TENM2: variants seen among roughly 807,000 people sequenced by gnomAD.
The protein encoded by TENM2 is teneurin transmembrane protein 2, also known as teneurin-2.
TENM2 carries 52 observed loss-of-function variants against 245.2 expected under a neutral mutation model. That is an observed-to-expected ratio of 0.21 (90% CI 0.17 to 0.27). TENM2 has a LOEUF of 0.27. TENM2 is among the 10% of genes least tolerant of loss of function. The pLI is 1.00. For missense variants in TENM2, 3,046 were observed against 3,666.8 expected (o/e 0.83, Z 4.37); for synonymous variants, 1,363 against 1,438.9 (o/e 0.95, Z 1.19).
At chr5:167,089,576 T>A in the TENM2 span, among the ~76,000 whole-genome samples, 1 of 152,066 alleles carries the variant, frequency 6.6e-6, no homozygotes, top group African/African-American at 2.4e-5. Flanking sequence ...AAAACTGGAT[T>A]TTTTTTTCTT....
intron 2 of TENM2, among the ~76,000 whole-genome samples, chr5:167,688,213 G>T (rs1757202630): frequency 6.6e-6 from 1 of 152,134 alleles, no homozygotes; most frequent in Non-Finnish European, 1.5e-5. Context: ...CTGTCATACT[G>T]CTTCTCACTG....
chr5:168,151,964 A>G (rs1027963613), intron 12 of TENM2, among the ~76,000 whole-genome samples: 1 of 152,218 alleles, frequency 6.6e-6, no homozygotes, highest in East Asian at 1.9e-4. Context: ...TGGATCATCC[A>G]GGGCAAATTG....
chr5:167,753,922 A>T (rs1379169189), intron 2 of TENM2, among the ~76,000 whole-genome samples: 3 of 152,118 alleles, frequency 2.0e-5, no homozygotes, highest in African/African-American at 4.8e-5. Context: ...ATGAGCCATT[A>T]TGCTCCGTCA....
chr5:167,283,669 C>T (rs1771181751), upstream of TENM2, among the ~76,000 whole-genome samples: 1 of 152,186 alleles, frequency 6.6e-6, no homozygotes, highest in Non-Finnish European at 1.5e-5. Flanking sequence ...AAATCATTGC[C>T]CTGGCTCTGG....
chr5:168,222,737 ACTCC>A (rs1763775993), intron 23 of TENM2, among the ~76,000 whole-genome samples: 1 of 150,782 alleles, frequency 6.6e-6, no homozygotes, highest in African/African-American at 2.4e-5. Flanking sequence ...CTCCTTCTCC[ACTCC>A]CTCCCTTCTT....
chr5:167,627,197 G>C (rs1334626280), intron 2 of TENM2, among the ~76,000 whole-genome samples: 2 of 152,142 alleles, frequency 1.3e-5, no homozygotes, highest in Non-Finnish European at 2.9e-5. Flanking sequence ...ATAGATAATG[G>C]ATTGAATTCA....
At chr5:167,259,508 T>C in the TENM2 span, among the ~76,000 whole-genome samples, 1 of 152,160 alleles carries the variant, frequency 6.6e-6, no homozygotes, top group Non-Finnish European at 1.5e-5. Context: ...GTTTAAAACC[T>C]CTCCAATGGG....
chr5:167,784,446 G>T (rs2150856016), intron 2 of TENM2, among the ~76,000 whole-genome samples: 1 of 152,274 alleles, frequency 6.6e-6, no homozygotes, highest in Middle Eastern at 3.4e-3. Flanking sequence ...AGGAATAATG[G>T]TTTTTATAGA....
intron 3 of TENM2, among the ~76,000 whole-genome samples, chr5:167,931,198 A>G (rs1372984212): frequency 6.6e-6 from 1 of 152,234 alleles, no homozygotes; most frequent in Non-Finnish European, 1.5e-5. Context: ...AATGTTATCC[A>G]TGAAAAATCT....
intron 2 of TENM2, among the ~76,000 whole-genome samples, chr5:167,454,532 C>T (rs1765794228): frequency 1.3e-5 from 2 of 151,256 alleles, no homozygotes; most frequent in Non-Finnish European, 2.9e-5. Context: ...TGTGCATGCA[C>T]ACCCACACAT....
chr5:167,321,660 T>A (rs1217867209), intron 1 of TENM2, among the ~76,000 whole-genome samples: 1 of 152,160 alleles, frequency 6.6e-6, no homozygotes, highest in Non-Finnish European at 1.5e-5. Flanking sequence ...CATCCATCCC[T>A]GCTTTGTGTT....
intron 2 of TENM2, among the ~76,000 whole-genome samples, chr5:167,634,679 G>A (rs966231016): frequency 1.3e-5 from 2 of 149,910 alleles, no homozygotes; most frequent in Admixed American, 6.6e-5. Context: ...TTTTAACCAC[G>A]TACTTAAGCT....
At chr5:168,005,085 A>C (rs2152057462) in intron 5 of TENM2, among the ~76,000 whole-genome samples, 1 of 152,254 alleles carries the variant, frequency 6.6e-6, no homozygotes, top group East Asian at 1.9e-4. Context: ...TGCTGATTGC[A>C]TGGTGTTGTA....
intron 2 of TENM2, among the ~76,000 whole-genome samples, chr5:167,680,951 A>C (rs1411581327): frequency 1.3e-5 from 2 of 152,174 alleles, no homozygotes; most frequent in Non-Finnish European, 2.9e-5. Context: ...TTTTTAGTGT[A>C]TCCGTGCCTC....
At chr5:168,127,946 A>G (rs1441322629) in intron 12 of TENM2, among the ~76,000 whole-genome samples, 1 of 152,176 alleles carries the variant, frequency 6.6e-6, no homozygotes, top group Non-Finnish European at 1.5e-5. Flanking sequence ...GTCCCTGCCT[A>G]ACAACCCCAG....
At chr5:167,674,033 G>C (rs887259677) in intron 2 of TENM2, among the ~76,000 whole-genome samples, 1 of 152,112 alleles carries the variant, frequency 6.6e-6, no homozygotes, top group African/African-American at 2.4e-5. Flanking sequence ...AAATTTGAAT[G>C]TTCTGTAATG....
At chr5:168,014,790 A>T (rs11950941) in intron 5 of TENM2, among the ~76,000 whole-genome samples, 25,287 of 152,088 alleles carry the variant, frequency 0.17, 2,693 homozygotes, top group African/African-American at 0.29. Flanking sequence ...CCTGCCCGCA[A>T]CCCCTGCCCA....
the TENM2 span, among the ~76,000 whole-genome samples, chr5:167,040,316 A>G: frequency 1.3e-5 from 2 of 152,288 alleles, no homozygotes; most frequent in Admixed American, 6.5e-5. Context: ...CTTGATGTAA[A>G]TCTTGAATTT....
the TENM2 span, among the ~76,000 whole-genome samples, chr5:167,043,370 G>A: frequency 3.9e-5 from 6 of 152,182 alleles, no homozygotes; most frequent in Non-Finnish European, 7.3e-5. Flanking sequence ...TCAAAGAAAG[G>A]AATGTTTATT....
Sources: gnomAD v4.1 joint callset for allele counts (sites outside exome capture counted in the v4.1 genomes callset) on GRCh38, gnomAD v4.1.1 for gene constraint, MANE v1.5 for transcripts, NCBI Gene and HGNC (gene_info 2026-07-23, HGNC 2026-07-21) for gene names.